IQCM: variants seen among roughly 807,000 people sequenced by gnomAD.
IQCM encodes IQ motif containing M.
A neutral mutation model predicts 57.6 loss-of-function variants in IQCM; 45 were observed. The observed-to-expected ratio is 0.78, with a 90% CI of 0.62 to 1.00. IQCM has a LOEUF of 1.00. Ranked by LOEUF, IQCM falls within the 50% of genes least tolerant of loss-of-function variation. The pLI, the probability that IQCM is intolerant of heterozygous loss-of-function variation, is 0.00. For synonymous variants in IQCM, 148 were observed against 158.9 expected, an observed-to-expected ratio of 0.93 and a Z score of 0.51; for missense variants, 468 against 511.6, an observed-to-expected ratio of 0.91 and a Z score of 0.82.
intron 13 of IQCM, among the ~76,000 whole-genome samples, chr4:149,371,536 A>G (rs945619535): frequency 6.6e-5 from 10 of 152,180 alleles, no homozygotes; most frequent in African/African-American, 2.2e-4. Flanking sequence ...ATCATGCCAG[A>G]AGGCTGATGG....
chr4:149,620,499 C>T (rs1317681055), intron 8 of IQCM, among the ~76,000 whole-genome samples: 10 of 152,194 alleles, frequency 6.6e-5, no homozygotes, highest in Admixed American at 6.5e-4. Context: ...TATTTACAGA[C>T]ACTGCGAAAC....
At chr4:149,484,389 C>A (rs1741242169) in intron 12 of IQCM, among the ~76,000 whole-genome samples, 1 of 151,966 alleles carries the variant, frequency 6.6e-6, no homozygotes, top group South Asian at 2.1e-4. Flanking sequence ...GTTTCCTTCA[C>A]CACCTGTCCT....
intron 13 of IQCM, among the ~76,000 whole-genome samples, chr4:149,418,151 C>A (rs529581446): frequency 1.4e-3 from 190 of 134,768 alleles, no homozygotes; most frequent in African/African-American, 5.1e-3. Context: ...TTTAAAAAAT[C>A]AATGAATCCA....
chr4:149,359,959 C>G (rs947437096), intron 13 of IQCM, among the ~76,000 whole-genome samples: 1 of 152,032 alleles, frequency 6.6e-6, no homozygotes, highest in South Asian at 2.1e-4. Context: ...ATAAAGGGCA[C>G]TAGCTGAGAG....
At chr4:149,497,901 G>A (rs1036539149) in intron 12 of IQCM, among the ~76,000 whole-genome samples, 6 of 152,096 alleles carry the variant, frequency 3.9e-5, no homozygotes, top group African/African-American at 1.2e-4. Context: ...CCCACGTGAT[G>A]TTGAGTGGTT....
At chr4:149,719,490 C>T (rs1765270617) in intron 5 of IQCM, among the ~76,000 whole-genome samples, 1 of 152,156 alleles carries the variant, frequency 6.6e-6, no homozygotes, top group African/African-American at 2.4e-5. Context: ...GTTGAAATCC[C>T]ATGCTCTGAG....
intron 5 of IQCM, among the ~76,000 whole-genome samples, chr4:149,724,009 T>G (rs575167303): frequency 6.6e-6 from 1 of 152,094 alleles, no homozygotes; most frequent in African/African-American, 2.4e-5. Flanking sequence ...TATTTCTTCT[T>G]GATTCAAGCT....
chr4:149,680,380 T>A (rs1294127327), intron 7 of IQCM, among the ~76,000 whole-genome samples: 1 of 151,362 alleles, frequency 6.6e-6, no homozygotes, highest in East Asian at 1.9e-4. Flanking sequence ...TTGATTGGTA[T>A]CTCTGCAGTC....
intron 2 of IQCM, among the ~76,000 whole-genome samples, chr4:149,762,222 T>C (rs1769589031): frequency 1.3e-5 from 2 of 150,930 alleles, no homozygotes; most frequent in Admixed American, 6.6e-5. Flanking sequence ...GATCTAGGCA[T>C]GCTCAGTGAT....
chr4:149,759,665 T>A (rs1229759257), intron 2 of IQCM, among the ~76,000 whole-genome samples: 1 of 152,142 alleles, frequency 6.6e-6, no homozygotes, highest in Non-Finnish European at 1.5e-5. Context: ...AATATCATTT[T>A]TTTAAAAAAG....
chr4:149,433,433 T>C lies in IQCM; in HGVS notation c.1353A>G (p.Arg451=), dbSNP rs571288673. 47 of 1,226,832 alleles carry C rather than the reference T, an allele frequency of 3.8e-5. No homozygotes were observed. In the East Asian group the frequency reaches 1.2e-3, roughly 31 times the overall value. 76.0% of individuals were successfully genotyped at this position (1,226,832 alleles called of 1,614,324 possible). The change falls in exon 13 of 14, where the codon AGA becomes AGG. Residue 451 remains arginine (R), a synonymous_variant. Transcript: ENST00000636793. ...AACCTTCTTCCCCATTTACTATGGG[T>C]CTCAACCAAGTCGACTTGAGTAGTG... is the stretch of plus-strand genomic sequence containing the variant. ...DSTLLKSTWL[R]PIVNGEEGYR...
intron 10 of IQCM, among the ~76,000 whole-genome samples, chr4:149,562,840 A>G (rs987659494): frequency 6.6e-6 from 1 of 152,230 alleles, no homozygotes; most frequent in Non-Finnish European, 1.5e-5. Flanking sequence ...CTCTAACAGT[A>G]TCACCACATT....
At chr4:149,442,401 GCAA>G (rs1402210888) in intron 12 of IQCM, among the ~76,000 whole-genome samples, 11 of 151,666 alleles carry the variant, frequency 7.3e-5, no homozygotes, top group Admixed American at 2.0e-4. Flanking sequence ...TTTACTATAA[GCAA>G]CAACAACAAA....
At chr4:149,616,002 G>A (rs1755759493) in intron 8 of IQCM, among the ~76,000 whole-genome samples, 1 of 152,154 alleles carries the variant, frequency 6.6e-6, no homozygotes, top group Non-Finnish European at 1.5e-5. Flanking sequence ...TTGCTGGTGG[G>A]AAGGTAAAAT....
intron 12 of IQCM, among the ~76,000 whole-genome samples, chr4:149,494,510 A>G (rs778638691): frequency 6.6e-6 from 1 of 152,066 alleles, no homozygotes; most frequent in Non-Finnish European, 1.5e-5. Flanking sequence ...TTCAATTTTC[A>G]TGTTTGTGCC....
intron 13 of IQCM, among the ~76,000 whole-genome samples, chr4:149,430,664 A>C (rs1240616266): frequency 6.6e-6 from 1 of 152,022 alleles, no homozygotes; most frequent in Non-Finnish European, 1.5e-5. Context: ...TTGTCGTTAT[A>C]TGTATCAAAG....
chr4:149,495,848 A>G (rs1451453114), intron 12 of IQCM, among the ~76,000 whole-genome samples: 1 of 152,168 alleles, frequency 6.6e-6, no homozygotes, highest in African/African-American at 2.4e-5. Flanking sequence ...GCTAAAAACA[A>G]TTGACACCAA....
intron 13 of IQCM, among the ~76,000 whole-genome samples, chr4:149,365,645 T>C (rs1331067350): frequency 6.6e-6 from 1 of 152,196 alleles, no homozygotes; most frequent in Non-Finnish European, 1.5e-5. Flanking sequence ...ATAAGTCATA[T>C]TGATAGCATG....
intron 2 of IQCM, among the ~76,000 whole-genome samples, chr4:149,773,783 C>CAATACT (rs1359718313): frequency 6.6e-6 from 1 of 152,162 alleles, no homozygotes; most frequent in East Asian, 1.9e-4. Flanking sequence ...TGCAAGTGTT[C>CAATACT]AATACTACTG....
Sources: allele counts gnomAD v4.1 joint callset (sites outside exome capture counted in the v4.1 genomes callset), GRCh38; gene constraint gnomAD v4.1.1; transcripts MANE v1.5; gene names NCBI Gene and HGNC (gene_info 2026-07-23, HGNC 2026-07-21).